B4GALT5: variants seen among roughly 807,000 people sequenced by gnomAD.
The protein encoded by B4GALT5 is UDP-Gal:beta-GlcNAc beta-1,4-galactosyltransferase 5.
In B4GALT5, 11 loss-of-function variants were observed where a neutral mutation model predicts 45.0. The ratio of observed to expected loss-of-function variants is 0.24; its 90% CI spans 0.15 to 0.40. The LOEUF (loss-of-function observed/expected upper bound fraction) is 0.40. Among genes scored for constraint, B4GALT5 ranks in the 10% least tolerant of loss-of-function variants. The probability of loss-of-function intolerance (pLI) is 1.00; values close to 1 mark genes in which losing one functional copy is unlikely to be tolerated. For synonymous variants in B4GALT5, 185 were observed against 182.9 expected (o/e 1.01, Z -0.09); for missense variants, 337 against 500.2 (o/e 0.67, Z 3.11).
chr20:49,643,617 C>G lies in B4GALT5; in HGVS notation c.398G>C (p.Gly133Ala). 6.2e-7 allele frequency: 1 copy of G among 1,613,884 alleles called. No individual in the cohort carries two copies. ...GAAGAGTTCATGAATGTAATCCATT[C>G]CAATTTCACTCATGTTTATGTCTAT... Reference protein sequence around the residue: ...GPIDINMSEIGMDYIHELFSK... With the variant: ...GPIDINMSEIAMDYIHELFSK... Residue 133 changes from glycine to alanine, a missense_variant, in exon 4 of 9, where the codon GGA becomes GCA. Physicochemically the swap from Gly to Ala is moderately conservative, Grantham distance 60 (BLOSUM62 0). Around this residue, in one of 2 missense-constraint regions of B4GALT5, gnomAD observed 174 missense variants for 207.4 expected, o/e 0.84. Transcript: ENST00000371711.
intron 2 of B4GALT5, among the ~76,000 whole-genome samples, chr20:49,653,826 T>G (rs186415853): frequency 1.7e-4 from 26 of 152,314 alleles, no homozygotes; most frequent in Admixed American, 8.5e-4. Context: ...TATGATAATT[T>G]GAGAATAAAA....
intron 1 of B4GALT5, among the ~76,000 whole-genome samples, chr20:49,707,182 C>T (rs1176452368): frequency 6.6e-6 from 1 of 152,128 alleles, no homozygotes; most frequent in African/African-American, 2.4e-5. Context: ...AACTCCAAAC[C>T]CAAGACCTGG....
At chr20:49,704,243 A>G (rs1208182226) in intron 1 of B4GALT5, among the ~76,000 whole-genome samples, 3 of 152,190 alleles carry the variant, frequency 2.0e-5, no homozygotes, top group Non-Finnish European at 4.4e-5. Context: ...CAAGCTTATG[A>G]TTGTTCAACA....
intron 1 of B4GALT5, among the ~76,000 whole-genome samples, chr20:49,686,901 C>T (rs991224810): frequency 6.6e-6 from 1 of 151,092 alleles, no homozygotes; most frequent in East Asian, 1.9e-4. Flanking sequence ...CCCATCTTTA[C>T]CAAAGAAAAA....
intron 2 of B4GALT5, among the ~76,000 whole-genome samples, chr20:49,649,263 T>G (rs961317478): frequency 6.6e-6 from 1 of 152,144 alleles, no homozygotes; most frequent in Non-Finnish European, 1.5e-5. Context: ...TTATAGAGAA[T>G]AGTAGAGACT....
intron 2 of B4GALT5, among the ~76,000 whole-genome samples, chr20:49,647,763 T>C (rs2085605128): frequency 6.6e-6 from 1 of 152,146 alleles, no homozygotes; most frequent in Admixed American, 6.5e-5. Flanking sequence ...AGACATACAT[T>C]AGGTATTCTC....
chr20:49,670,730 T>A (rs2085712607), intron 1 of B4GALT5, among the ~76,000 whole-genome samples: 1 of 152,160 alleles, frequency 6.6e-6, no homozygotes, highest in African/African-American at 2.4e-5. Flanking sequence ...CTGATACCTG[T>A]TCTACCAAAG....
intron 1 of B4GALT5, among the ~76,000 whole-genome samples, chr20:49,668,768 C>G (rs2085703099): frequency 6.6e-6 from 1 of 152,088 alleles, no homozygotes; most frequent in Admixed American, 6.5e-5. Context: ...CCCCACTCCA[C>G]CGACCAATCC....
At chr20:49,678,692 TAATC>T (rs1237015462) in intron 1 of B4GALT5, among the ~76,000 whole-genome samples, 1 of 152,190 alleles carries the variant, frequency 6.6e-6, no homozygotes, top group African/African-American at 2.4e-5. Context: ...ACACAAGCCT[TAATC>T]AATATTAAGG....
chr20:49,678,088 A>G (rs2085747278), intron 1 of B4GALT5, among the ~76,000 whole-genome samples: 1 of 152,234 alleles, frequency 6.6e-6, no homozygotes, highest in Non-Finnish European at 1.5e-5. Context: ...GCTCTGAAAG[A>G]TATGTTCCAC....
intron 1 of B4GALT5, among the ~76,000 whole-genome samples, chr20:49,662,524 G>C (rs2085669289): frequency 6.6e-6 from 1 of 152,132 alleles, no homozygotes; most frequent in Non-Finnish European, 1.5e-5. Flanking sequence ...AGAGTTTTCT[G>C]AACTTGGCTG....
chr20:49,668,880 T>A (rs918146056), intron 1 of B4GALT5, among the ~76,000 whole-genome samples: 16 of 152,084 alleles, frequency 1.1e-4, no homozygotes, highest in Admixed American at 9.2e-4. Context: ...GCTTTTTTTT[T>A]AGACAGTGTC....
At position 49,694,657 on chromosome 20, in the gene B4GALT5, A is replaced by AGGG. The variant is rs1444029788; in HGVS notation, c.115+18918_115+18919insCCC. On this transcript the variant is annotated intron_variant, in intron 1 of 8. Coordinates refer to ENST00000371711, the MANE Select transcript of B4GALT5 (RefSeq NM_004776.4). ...GCTGAGAAGGGAAAGGGAAAGGGAAAAGGAAAGGGAAAGGGAAAGGGAAAG... is the reference window on the plus strand; with the variant it reads ...GCTGAGAAGGGAAAGGGAAAGGGAAAGGGAGGAAAGGGAAAGGGAAAGGGAAAG... Among the ~76,000 whole-genome samples the AGGG allele has an allele frequency of 2.8e-4, 40 of 142,374 alleles. 1 individual carries two copies. Among genetic ancestry groups the AGGG allele is most frequent in the African/African-American group, 9.0e-4 (32 of 35,666 alleles). 93.4% of individuals were successfully genotyped at this position (142,374 alleles called of 152,430 possible).
chr20:49,642,701 T>C, intron 4 of B4GALT5, 117 bp from the exon 5 acceptor site: 1 of 692,638 alleles, frequency 1.4e-6, no homozygotes, highest in East Asian at 2.5e-5. Context: ...CTGGCTATCT[T>C]GTCCTCAGCT....
rs146276651 is a variant in B4GALT5 at position 49,662,467 on chromosome 20, A to G, written c.116-5765T>C. On this transcript the variant is annotated intron_variant, in intron 1 of 8. Coordinates refer to ENST00000371711, the MANE Select transcript of B4GALT5 (RefSeq NM_004776.4). ...GTGTTGGGAACACAGAGGATGCATA[A>G]TAAATATCTGAATTTAAAAAATAAT... Among the ~76,000 whole-genome samples the G allele has an allele frequency of 4.2e-3, 633 of 152,312 alleles. 4 individuals are homozygous for G. Among genetic ancestry groups the G allele is most frequent in the African/African-American group, 0.015 (606 of 41,562 alleles).
chr20:49,694,776 T>C (rs1342489415), intron 1 of B4GALT5, among the ~76,000 whole-genome samples: 1 of 152,012 alleles, frequency 6.6e-6, no homozygotes, highest in African/African-American at 2.4e-5. Context: ...TGCCTTTGCA[T>C]ATGCACAATT....
intron 1 of B4GALT5, among the ~76,000 whole-genome samples, chr20:49,663,365 G>A (rs753567142): frequency 6.6e-6 from 1 of 151,340 alleles, no homozygotes; most frequent in African/African-American, 2.4e-5. Flanking sequence ...AATAAGGTGA[G>A]CAAAACCCAT....
At chr20:49,691,722 C>T (rs940504496) in intron 1 of B4GALT5, among the ~76,000 whole-genome samples, 1 of 152,026 alleles carries the variant, frequency 6.6e-6, no homozygotes, top group African/African-American at 2.4e-5. Context: ...AAAAAAAGAT[C>T]CAGAAGAAAA....
chr20:49,709,446 T>C (rs1336261013), intron 1 of B4GALT5, among the ~76,000 whole-genome samples: 1 of 152,158 alleles, frequency 6.6e-6, no homozygotes, highest in Non-Finnish European at 1.5e-5. Context: ...AAATTGCTGA[T>C]ATAAAACACT....
Sources: gnomAD v4.1 joint callset for allele counts (sites outside exome capture counted in the v4.1 genomes callset) on GRCh38, gnomAD v4.1.1 for gene constraint, gnomAD v4.1.1 regional missense constraint, MANE v1.5 for transcripts, NCBI Gene and HGNC (gene_info 2026-07-23, HGNC 2026-07-21) for gene names.